FYB1: variants seen among roughly 807,000 people sequenced by gnomAD.
The protein encoded by FYB1 is FYN binding protein 1.
In FYB1, 41 loss-of-function variants were observed where a neutral mutation model predicts 94.1. The observed-to-expected ratio is 0.44, with a 90% CI of 0.34 to 0.57. The LOEUF is 0.57. FYB1 is among the 20% of genes least tolerant of loss of function. FYB1 has a pLI of 0.02. For missense variants in FYB1, 1,050 were observed against 976.8 expected (o/e 1.07, Z -1.00); for synonymous variants, 367 against 353.2 (o/e 1.04, Z -0.44).
intron 1 of FYB1, among the ~76,000 whole-genome samples, chr5:39,234,380 T>C (rs900152740): frequency 2.0e-5 from 3 of 152,136 alleles, no homozygotes; most frequent in African/African-American, 4.8e-5. Flanking sequence ...TCCTAGGCAA[T>C]GTGATTATAA....
intron 3 of FYB1, among the ~76,000 whole-genome samples, chr5:39,151,464 A>G (rs1743237392): frequency 6.6e-6 from 1 of 152,008 alleles, no homozygotes; most frequent in African/African-American, 2.4e-5. Context: ...TAATTTTCAA[A>G]TGCTTAGTAG....
Position 39,245,602 on chromosome 5 carries a change from C to CTTT in FYB1, c.-28+28798_-28+28800dup, listed in dbSNP as rs200601347. Among the ~76,000 whole-genome samples, 488 of 140,962 alleles carry CTTT rather than the reference C, an allele frequency of 3.5e-3. 6 individuals carry two copies. The highest frequency in any genetic ancestry group is 8.8e-3 in the African/African-American group (346 of 39,540). 92.5% of individuals were successfully genotyped at this position (140,962 alleles called of 152,430 possible). A position where few individuals can be genotyped will look rare whatever the true frequency, so the allele number is the denominator to read the frequency against. On this transcript the variant is annotated intron_variant, in intron 1 of 1. Transcript: ENST00000510188. ...CAAGATGAGAAGGAAGAGGAAGAGG[C>CTTT]TTTTTTTTTTTTTGAGACGGAATGT...
chr5:39,137,781 C>A, intron 6 of FYB1, 61 bp from the exon 7 acceptor site: 3 of 1,543,662 alleles, frequency 1.9e-6, no homozygotes, highest in Non-Finnish European at 2.6e-6. Context: ...TCGGAACTCC[C>A]TACCTAGAAG....
intron 3 of FYB1, among the ~76,000 whole-genome samples, chr5:39,143,807 T>C (rs1205418033): frequency 2.0e-5 from 3 of 152,156 alleles, no homozygotes; most frequent in Non-Finnish European, 2.9e-5. Flanking sequence ...TAAATATAGG[T>C]AGGGACTAAC....
At chr5:39,271,890 G>C (rs1752675019) in intron 1 of FYB1, among the ~76,000 whole-genome samples, 1 of 152,280 alleles carries the variant, frequency 6.6e-6, no homozygotes, top group Non-Finnish European at 1.5e-5. Context: ...CAAAGCAAGA[G>C]CGAGGTATGG....
At chr5:39,273,117 C>T (rs1192214628) in intron 1 of FYB1, among the ~76,000 whole-genome samples, 2 of 152,152 alleles carry the variant, frequency 1.3e-5, no homozygotes, top group African/African-American at 4.8e-5. Context: ...CCCCTCTGCC[C>T]GGCCACCACC....
intron 1 of FYB1, among the ~76,000 whole-genome samples, chr5:39,240,921 G>T (rs1237556371): frequency 1.3e-5 from 2 of 152,104 alleles, no homozygotes; most frequent in Non-Finnish European, 2.9e-5. Context: ...GAGTCAACCT[G>T]AACACCATTC....
At chr5:39,214,860 C>T (rs961502140) in intron 1 of FYB1, among the ~76,000 whole-genome samples, 2 of 152,000 alleles carry the variant, frequency 1.3e-5, no homozygotes, top group South Asian at 2.1e-4. Context: ...ACCTGGGAGG[C>T]GGAGGTTGCA....
intron 1 of FYB1, among the ~76,000 whole-genome samples, chr5:39,261,907 C>T (rs1351096581): frequency 1.3e-5 from 2 of 152,124 alleles, no homozygotes; most frequent in East Asian, 3.9e-4. Context: ...GGGAAAAGAA[C>T]AAGCTAACGT....
At chr5:39,169,554 A>C (rs1179186439) in intron 2 of FYB1, 1 of 529,470 alleles carries the variant, frequency 1.9e-6, no homozygotes, top group Non-Finnish European at 3.7e-6. Flanking sequence ...CAGTTGAAAG[A>C]CCAAGGAGGG....
intron 1 of FYB1, among the ~76,000 whole-genome samples, chr5:39,213,587 C>T (rs943097566): frequency 3.3e-5 from 5 of 152,136 alleles, no homozygotes; most frequent in Admixed American, 1.3e-4. Context: ...TTTGCAACAT[C>T]GTGGGCAATC....
intron 1 of FYB1, among the ~76,000 whole-genome samples, chr5:39,243,628 T>C (rs1214042224): frequency 2.6e-5 from 4 of 152,208 alleles, no homozygotes; most frequent in Non-Finnish European, 2.9e-5. Flanking sequence ...ATGCAGGCTC[T>C]TTTTTGGTTC....
Position 39,207,378 on chromosome 5 carries a change from T to C in FYB1, c.-27-4391A>G, listed in dbSNP as rs375937868. 4.6e-5 allele frequency among the ~76,000 whole-genome samples: 7 copies of C among 152,324 alleles called. 1 individual carries two copies. Among genetic ancestry groups the C allele is most frequent in the African/African-American group, 1.7e-4 (7 of 41,568 alleles). ...TTTTGCCTTTCCTCAGAATTATGTC[T>C]CTTCAGTGGTATAAACTTTTACATT... On this transcript the variant is annotated intron_variant, in intron 1 of 18. Coordinates refer to ENST00000512982, the MANE Select transcript of FYB1 (RefSeq NM_001465.6).
At chr5:39,150,721 C>G (rs1208493126) in intron 3 of FYB1, among the ~76,000 whole-genome samples, 1 of 152,172 alleles carries the variant, frequency 6.6e-6, no homozygotes, top group Non-Finnish European at 1.5e-5. Context: ...TTTTGTCTCT[C>G]TCTTCAAAAT....
Position 39,140,138 on chromosome 5 carries a change from G to A in FYB1, c.1340-886C>T, listed in dbSNP as rs192977686. 10 of 152,230 alleles carry A rather than the reference G, an allele frequency of 6.6e-5. No homozygotes were observed. In the East Asian group the frequency reaches 1.5e-3, roughly 24 times the overall value. 9.4% of individuals were successfully genotyped at this position (152,230 alleles called of 1,614,324 possible). A position where few individuals can be genotyped will look rare whatever the true frequency, so the allele number is the denominator to read the frequency against. On this transcript the variant is annotated intron_variant, in intron 4 of 18. Coordinates refer to ENST00000512982, the MANE Select transcript of FYB1 (RefSeq NM_001465.6). The stretch of plus-strand genomic sequence containing the variant: ...ATTACAAGGCAAAATTAATACATTC[G>A]ATTATATCAAAATTTATTTACATTC...
At chr5:39,149,027 T>C (rs1239555084) in intron 3 of FYB1, among the ~76,000 whole-genome samples, 1 of 152,226 alleles carries the variant, frequency 6.6e-6, no homozygotes, top group Non-Finnish European at 1.5e-5. Context: ...CATGCTCTTT[T>C]GACCCATTTC....
At chr5:39,206,526 G>A (rs893253878) in intron 1 of FYB1, among the ~76,000 whole-genome samples, 9 of 152,230 alleles carry the variant, frequency 5.9e-5, no homozygotes, top group African/African-American at 2.2e-4. Context: ...AAAAAGGGTA[G>A]GGGTAATATA....
chr5:39,202,255 C>G lies in FYB1; in HGVS notation c.706G>C (p.Gly236Arg), dbSNP rs34222014. Residue 236 changes from glycine to arginine, a missense_variant, in exon 2 of 19, where the codon GGC (glycine) becomes CGC (arginine). Coordinates refer to ENST00000512982, the MANE Select transcript of FYB1 (RefSeq NM_001465.6). ...TCTTCCCTTGCTGGTTTTAAAGGGC[C>G]GCTTTTGGACCTGACTCCCAGGGGA... Reference protein sequence around the residue: ...PAPLGVRSKSGPLKPAREDSE... With the variant: ...PAPLGVRSKSRPLKPAREDSE... 1 of 1,613,868 alleles carries G rather than the reference C, an allele frequency of 6.2e-7. No homozygotes were observed. Among genetic ancestry groups the G allele is most frequent in the Non-Finnish European group, 8.5e-7 (1 of 1,179,876 alleles).
At chr5:39,179,080 A>G (rs774206256) in intron 2 of FYB1, among the ~76,000 whole-genome samples, 4 of 152,216 alleles carry the variant, frequency 2.6e-5, no homozygotes, top group African/African-American at 4.8e-5. Context: ...ATATTTTTAG[A>G]GTGCTTCCTG....
Sources: allele counts gnomAD v4.1 joint callset (sites outside exome capture counted in the v4.1 genomes callset), GRCh38; gene constraint gnomAD v4.1.1; transcripts MANE v1.5; gene names NCBI Gene and HGNC (gene_info 2026-07-23, HGNC 2026-07-21).